Variants in RHOU observed in about 807,000 individuals in gnomAD.
The protein encoded by RHOU is rho-related GTP-binding protein RhoU.
In RHOU, 8 loss-of-function variants were observed where a neutral mutation model predicts 12.6. The ratio of observed to expected loss-of-function variants is 0.64; its 90% CI spans 0.37 to 1.15. The LOEUF is 1.15. RHOU is among the 50% of genes most tolerant of loss of function. RHOU has a pLI of 0.01. For missense variants in RHOU, 258 were observed against 347.0 expected, an observed-to-expected ratio of 0.74 and a Z score of 2.04; for synonymous variants, 161 against 147.4, an observed-to-expected ratio of 1.09 and a Z score of -0.67.
the RHOU span, among the ~76,000 whole-genome samples, chr1:228,677,797 T>C: frequency 6.6e-6 from 1 of 152,058 alleles, no homozygotes; most frequent in African/African-American, 2.4e-5. Context: ...CGATTTGAGG[T>C]AAAACCAGGA....
At chr1:228,684,537 C>A in the RHOU span, among the ~76,000 whole-genome samples, 1 of 151,948 alleles carries the variant, frequency 6.6e-6, no homozygotes, top group Non-Finnish European at 1.5e-5. Context: ...CCATGTTGGC[C>A]AGGCTAGTTT....
chr1:228,707,383 CAGA>C, the RHOU span, among the ~76,000 whole-genome samples: 1 of 149,356 alleles, frequency 6.7e-6, no homozygotes, highest in African/African-American at 2.5e-5. Flanking sequence ...GTGAGCGACA[CAGA>C]AGATGGGTGA....
chr1:228,717,067 G>A, the RHOU span, among the ~76,000 whole-genome samples: 1 of 152,198 alleles, frequency 6.6e-6, no homozygotes, highest in African/African-American at 2.4e-5. Flanking sequence ...AGGCTGTGGT[G>A]AGGCCTTGCT....
chr1:228,687,787 TA>T, the RHOU span: 1 of 1,346,578 alleles, frequency 7.4e-7, no homozygotes, highest in African/African-American at 1.4e-5. Context: ...GAATACCTCT[TA>T]GACAAGCACA....
the RHOU span, among the ~76,000 whole-genome samples, chr1:228,703,527 G>GGA: frequency 1.5e-4 from 22 of 146,798 alleles, no homozygotes; most frequent in Non-Finnish European, 2.9e-4. Flanking sequence ...CTCCATCTCT[G>GGA]AAAAAAAAAA....
chr1:228,677,668 G>A, the RHOU span, among the ~76,000 whole-genome samples: 30 of 152,094 alleles, frequency 2.0e-4, no homozygotes, highest in African/African-American at 6.8e-4. Context: ...GCATAAGAAC[G>A]GGAACCAGAA....
chr1:228,695,216 C>G, the RHOU span, among the ~76,000 whole-genome samples: 1 of 152,158 alleles, frequency 6.6e-6, no homozygotes, highest in Admixed American at 6.5e-5. Flanking sequence ...GCGATCCACC[C>G]ACCTCAGCTT....
the RHOU span, among the ~76,000 whole-genome samples, chr1:228,715,749 G>C: frequency 6.6e-6 from 1 of 151,702 alleles, no homozygotes. Flanking sequence ...TATTCCCAGG[G>C]GGAATTACTA....
chr1:228,668,890 C>T, the RHOU span, among the ~76,000 whole-genome samples: 1 of 152,164 alleles, frequency 6.6e-6, no homozygotes, highest in Non-Finnish European at 1.5e-5. Context: ...ACTTTCTGTC[C>T]TATCGCAGAC....
the RHOU span, among the ~76,000 whole-genome samples, chr1:228,684,746 G>T: frequency 6.6e-6 from 1 of 152,306 alleles, no homozygotes; most frequent in African/African-American, 2.4e-5. Context: ...GAGTAGTTGT[G>T]AGGGTGAGGG....
the RHOU span, among the ~76,000 whole-genome samples, chr1:228,647,139 T>C: frequency 6.6e-6 from 1 of 151,862 alleles, no homozygotes; most frequent in Admixed American, 6.6e-5. Flanking sequence ...GGTGGAGGGG[T>C]TTGAGCTGTG....
At chr1:228,652,212 G>C in the RHOU span, among the ~76,000 whole-genome samples, 2 of 152,358 alleles carry the variant, frequency 1.3e-5, no homozygotes, top group Non-Finnish European at 2.9e-5. Flanking sequence ...GGTACTTGCT[G>C]TGTATCCTGG....
At chr1:228,691,847 A>C in the RHOU span, among the ~76,000 whole-genome samples, 2 of 152,214 alleles carry the variant, frequency 1.3e-5, no homozygotes, top group Non-Finnish European at 2.9e-5. Flanking sequence ...CCTCTCACCA[A>C]GGCAACCGTT....
At chr1:228,699,082 A>G in the RHOU span, among the ~76,000 whole-genome samples, 1 of 150,300 alleles carries the variant, frequency 6.7e-6, no homozygotes, top group Non-Finnish European at 1.5e-5. Context: ...TGGGCTATGA[A>G]AAGTTTTTTT....
chr1:228,653,518 C>T, the RHOU span, among the ~76,000 whole-genome samples: 29 of 152,300 alleles, frequency 1.9e-4, no homozygotes, highest in Non-Finnish European at 3.1e-4. Flanking sequence ...GGGGTTTCTC[C>T]ATGTTGGTCT....
At chr1:228,742,467 G>A (rs144015656) in intron 2 of RHOU, among the ~76,000 whole-genome samples, 15 of 152,286 alleles carry the variant, frequency 9.8e-5, no homozygotes, top group Middle Eastern at 3.4e-3. Context: ...TAGGGTGGGC[G>A]TGCCTATTCT....
rs371581602 is a variant in RHOU, at chr1:228,746,578, GT to G, written c.*2842del. On this transcript the variant is annotated 3_prime_UTR_variant, in exon 3 of 3. Transcript: ENST00000366691. The stretch of plus-strand genomic sequence containing the variant: ...GTGCCTTACCAAGTTGTGCTTTTCT[GT>G]TTTCAAGTGTAAATGATGTTGAGCA... The G allele has an allele frequency of 5.7e-4, 87 of 152,292 alleles. 1 individual carries two copies. The highest frequency in any genetic ancestry group is 2.1e-3 in the African/African-American group (86 of 41,556). 9.4% of individuals were successfully genotyped at this position (152,292 alleles called of 1,614,324 possible). A position where few individuals can be genotyped will look rare whatever the true frequency, so the allele number is the denominator to read the frequency against.
chr1:228,710,259 G>A, the RHOU span, among the ~76,000 whole-genome samples: 1 of 152,146 alleles, frequency 6.6e-6, no homozygotes, highest in Admixed American at 6.6e-5. Context: ...CATTCCTTTT[G>A]AAACTATTCC....
the RHOU span, among the ~76,000 whole-genome samples, chr1:228,658,082 C>A: frequency 6.6e-6 from 1 of 151,914 alleles, no homozygotes; most frequent in East Asian, 1.9e-4. Context: ...GAGTTTAAGA[C>A]CAGCCAGGGC....
Sources: allele counts gnomAD v4.1 joint callset (sites outside exome capture counted in the v4.1 genomes callset), GRCh38; gene constraint gnomAD v4.1.1; transcripts MANE v1.5; gene names NCBI Gene and HGNC (gene_info 2026-07-23, HGNC 2026-07-21).